The following GPHN variants were observed in gnomAD, a reference collection of about 807,000 sequenced individuals.
GPHN encodes the protein gephyrin.
A neutral mutation model predicts 95.5 loss-of-function variants in GPHN; 17 were observed. That is an observed-to-expected ratio of 0.18 (90% confidence interval 0.12 to 0.27). The LOEUF (loss-of-function observed/expected upper bound fraction) is 0.27, where lower values mean the gene tolerates loss of function less well. GPHN is among the 10% of genes least tolerant of loss of function. The pLI, the probability that GPHN is intolerant of heterozygous loss-of-function variation, is 1.00. For synonymous variants in GPHN, 320 were observed against 322.5 expected (o/e 0.99, Z 0.08); for missense variants, 660 against 978.1 (o/e 0.67, Z 4.34).
At chr14:67,678,971 G>T in the GPHN span, among the ~76,000 whole-genome samples, 1 of 152,194 alleles carries the variant, frequency 6.6e-6, no homozygotes, top group Non-Finnish European at 1.5e-5. Context: ...TAAAACCAAG[G>T]TACGAGGTGT....
the GPHN span, among the ~76,000 whole-genome samples, chr14:67,430,796 G>C: frequency 1.3e-5 from 2 of 152,128 alleles, no homozygotes; most frequent in African/African-American, 4.8e-5. Flanking sequence ...CTCATTAAGT[G>C]GACCACAAAG....
chr14:67,465,647 G>C, the GPHN span, among the ~76,000 whole-genome samples: 1 of 152,208 alleles, frequency 6.6e-6, no homozygotes, highest in Non-Finnish European at 1.5e-5. Flanking sequence ...CAAAATGCAA[G>C]GGCTTCAGCA....
the GPHN span, chr14:67,270,747 A>G: frequency 6.6e-6 from 1 of 152,222 alleles, no homozygotes; most frequent in Non-Finnish European, 1.5e-5. Flanking sequence ...AGGATACAGT[A>G]TAATGTTTCT....
the GPHN span, among the ~76,000 whole-genome samples, chr14:67,237,334 C>A: frequency 6.6e-6 from 1 of 151,926 alleles, no homozygotes; most frequent in Admixed American, 6.6e-5. Context: ...CTAGTGAAGA[C>A]CTGGTTTTCA....
At chr14:66,588,612 C>T (rs1467895072) in intron 1 of GPHN, among the ~76,000 whole-genome samples, 4 of 151,724 alleles carry the variant, frequency 2.6e-5, no homozygotes, top group African/African-American at 7.3e-5. Flanking sequence ...ATAGGCGAAT[C>T]GATCAAGCGG....
chr14:66,648,618 G>T (rs946941664), intron 1 of GPHN, among the ~76,000 whole-genome samples: 5 of 152,120 alleles, frequency 3.3e-5, no homozygotes, highest in Non-Finnish European at 7.4e-5. Flanking sequence ...TAGCTGTGTA[G>T]TAGGCTATAC....
At chr14:67,303,532 A>C in the GPHN span, 2 of 1,613,114 alleles carry the variant, frequency 1.2e-6, no homozygotes, top group Non-Finnish European at 1.7e-6. Context: ...TCTGATATGC[A>C]TGGTACTTTG....
chr14:67,695,210 T>C, the GPHN span, among the ~76,000 whole-genome samples: 2 of 152,206 alleles, frequency 1.3e-5, no homozygotes, highest in Admixed American at 1.3e-4. Flanking sequence ...GCTATCAGTT[T>C]CAGAGGGCGA....
chr14:67,684,293 G>A, the GPHN span, among the ~76,000 whole-genome samples: 2 of 152,120 alleles, frequency 1.3e-5, no homozygotes, highest in Admixed American at 6.6e-5. Flanking sequence ...ACCTGAAGTA[G>A]AGGTAAAAAC....
chr14:66,892,859 T>G (rs2064598928), intron 5 of GPHN, among the ~76,000 whole-genome samples: 2 of 152,200 alleles, frequency 1.3e-5, no homozygotes, highest in Non-Finnish European at 2.9e-5. Context: ...GCCACTGAAT[T>G]GTATACTTAA....
intron 2 of GPHN, among the ~76,000 whole-genome samples, chr14:66,722,414 T>G (rs1458418845): frequency 6.7e-6 from 1 of 149,804 alleles, no homozygotes; most frequent in Non-Finnish European, 1.5e-5. Context: ...ATATGGCATG[T>G]GTTCTATTAA....
chr14:67,622,816 A>G, the GPHN span, among the ~76,000 whole-genome samples: 1 of 152,218 alleles, frequency 6.6e-6, no homozygotes. Context: ...ATTCCTGACA[A>G]GAAGCGGTTT....
At chr14:67,695,060 T>A in the GPHN span, among the ~76,000 whole-genome samples, 1 of 152,200 alleles carries the variant, frequency 6.6e-6, no homozygotes, top group Non-Finnish European at 1.5e-5. Flanking sequence ...AGATCCCCCG[T>A]GCTCCTGCTC....
the GPHN span, chr14:67,271,330 G>C: frequency 6.6e-6 from 1 of 152,192 alleles, no homozygotes. Flanking sequence ...GCCAGGGATA[G>C]TGGTTAAGAG....
the GPHN span, among the ~76,000 whole-genome samples, chr14:67,250,082 G>A: frequency 6.6e-6 from 1 of 152,032 alleles, no homozygotes; most frequent in Non-Finnish European, 1.5e-5. Context: ...CGATTTTATG[G>A]CACACAAATG....
the GPHN span, among the ~76,000 whole-genome samples, chr14:67,445,358 A>C: frequency 6.6e-6 from 1 of 151,926 alleles, no homozygotes; most frequent in South Asian, 2.1e-4. Flanking sequence ...AACTTGTGGA[A>C]TCTGATACTA....
rs562919024 is a variant in GPHN, at chr14:66,543,565, A to G, written c.64+34974A>G. Among the ~76,000 whole-genome samples, 68 of 152,278 alleles carry G rather than the reference A, an allele frequency of 4.5e-4. 1 individual carries two copies. The South Asian group carries it at 0.013, about 30-fold the overall frequency. ...ATACACCTATGTCTGTATCTACTTG[A>G]CATTACTATTTGGGTGTCTTAGTGA... On this transcript the variant is annotated intron_variant, in intron 1 of 22. Coordinates refer to ENST00000478722, the MANE Select transcript of GPHN (RefSeq NM_020806.5).
intron 8 of GPHN, among the ~76,000 whole-genome samples, chr14:66,945,046 G>A (rs2067662678): frequency 6.6e-6 from 1 of 152,230 alleles, no homozygotes; most frequent in Non-Finnish European, 1.5e-5. Context: ...AGACTTGCTT[G>A]GTACTTACCT....
the GPHN span, among the ~76,000 whole-genome samples, chr14:67,453,918 C>T: frequency 6.6e-6 from 1 of 152,330 alleles, no homozygotes; most frequent in East Asian, 1.9e-4. Flanking sequence ...GCTTTCTCAT[C>T]TGAAAATGGA....
Sources: gnomAD v4.1 joint callset for allele counts (sites outside exome capture counted in the v4.1 genomes callset) on GRCh38, gnomAD v4.1.1 for gene constraint, MANE v1.5 for transcripts, NCBI Gene and HGNC (gene_info 2026-07-23, HGNC 2026-07-21) for gene names.